The following CUX1 variants were observed in gnomAD, a reference collection of about 807,000 sequenced individuals.
The protein encoded by CUX1 is cut like homeobox 1.
A neutral mutation model predicts 158.8 loss-of-function variants in CUX1; 31 were observed. That is an observed-to-expected ratio of 0.20 (90% CI 0.15 to 0.26). The LOEUF (loss-of-function observed/expected upper bound fraction) is 0.26. Ranked by LOEUF, CUX1 falls within the 10% of genes least tolerant of loss-of-function variation. CUX1 has a pLI of 1.00. For missense variants in CUX1, 1,589 were observed against 2,014.6 expected, an observed-to-expected ratio of 0.79 and a Z score of 4.04; for synonymous variants, 879 against 862.1, an observed-to-expected ratio of 1.02 and a Z score of -0.34.
chr7:101,829,171 A>C (rs2131004602), intron 1 of CUX1, among the ~76,000 whole-genome samples: 2 of 152,152 alleles, frequency 1.3e-5, no homozygotes, highest in East Asian at 3.9e-4. Context: ...GAACTGGCAC[A>C]GCACCCCTTT....
chr7:102,170,453 A>G lies in CUX1; in HGVS notation c.731A>G (p.Glu244Gly). Residue 244 changes from glutamate (E) to glycine (G), a missense_variant, in exon 10 of 24, where the codon GAG becomes GGG. By Grantham distance (98) the Glu-to-Gly change is moderately conservative. Transcript: ENST00000292535. ...TDLERANQRA[E>G]VAQREAETLR... ...CCTTTTCATTTCCTTCAGAGGGCAG[A>G]GGTGGCTCAGAGAGAGGCGGAGACC... 6.3e-7 allele frequency: 1 copy of G among 1,584,834 alleles called. No homozygotes were observed. Among genetic ancestry groups the G allele is most frequent in the Non-Finnish European group, 8.6e-7 (1 of 1,164,768 alleles).
chr7:101,825,753 CTGTGTGTGTGTGTGTGTGTG>C (rs537662700), intron 1 of CUX1, among the ~76,000 whole-genome samples: 3 of 129,454 alleles, frequency 2.3e-5, no homozygotes, highest in Admixed American at 7.8e-5. Flanking sequence ...TTAATGAAAT[CTGTGTGTGTGTGTGTGTGTG>C]TGTGTGTGTG....
intron 2 of CUX1, among the ~76,000 whole-genome samples, chr7:101,917,806 C>T (rs935884979): frequency 2.0e-5 from 3 of 152,106 alleles, no homozygotes; most frequent in Non-Finnish European, 4.4e-5. Context: ...CTGCCCTTTC[C>T]TCGGTGACCA....
In CUX1 at chr7:102,282,574, A is replaced by C. The variant is rs1792161083; in HGVS notation, c.1903-138A>C. 9.2e-6 allele frequency: 7 copies of C among 762,012 alleles called. No homozygotes were observed. The East Asian group carries it at 1.6e-4, about 18-fold the overall frequency. 47.2% of individuals were successfully genotyped at this position (762,012 alleles called of 1,614,324 possible). On this transcript the variant is annotated intron_variant, in intron 21 of 22. Coordinates refer to the CUX1 transcript ENST00000292538. The stretch of plus-strand genomic sequence containing the variant: ...CATCTGCAGAAGCAGTGGGTGCAGG[A>C]ACATGTCTAAGACCCACCCGCCCCG...
chr7:102,171,782 T>A (rs561757742), intron 10 of CUX1, among the ~76,000 whole-genome samples: 1 of 152,284 alleles, frequency 6.6e-6, no homozygotes, highest in Non-Finnish European at 1.5e-5. Flanking sequence ...ATTTCATCAC[T>A]AGTTCACTTA....
chr7:102,013,830 G>A (rs554502565), intron 2 of CUX1, among the ~76,000 whole-genome samples: 252 of 151,754 alleles, frequency 1.7e-3, no homozygotes, highest in Admixed American at 3.2e-3. Flanking sequence ...TCAGCCTCCC[G>A]AGTAGCTGGG....
At chr7:102,223,158 C>A (rs1798006973) in intron 20 of CUX1, among the ~76,000 whole-genome samples, 1 of 151,842 alleles carries the variant, frequency 6.6e-6, no homozygotes, top group African/African-American at 2.4e-5. Context: ...CACAGTGGCT[C>A]ACACCTGTAA....
intron 2 of CUX1, among the ~76,000 whole-genome samples, chr7:102,005,246 G>A (rs1817194789): frequency 6.6e-6 from 1 of 152,220 alleles, no homozygotes; most frequent in South Asian, 2.1e-4. Flanking sequence ...TCTCCACTGG[G>A]CCGGGCGCGG....
chr7:101,988,382 G>A (rs760540529), intron 2 of CUX1, among the ~76,000 whole-genome samples: 8 of 152,090 alleles, frequency 5.3e-5, no homozygotes, highest in Non-Finnish European at 7.4e-5. Flanking sequence ...TAACTGTGGC[G>A]CCCACTCCAT....
chr7:102,072,706 C>T (rs1184959377), intron 4 of CUX1, among the ~76,000 whole-genome samples: 3 of 152,098 alleles, frequency 2.0e-5, no homozygotes, highest in African/African-American at 7.2e-5. Context: ...GGTGAATCAG[C>T]CTTTGGTTCC....
intron 8 of CUX1, among the ~76,000 whole-genome samples, chr7:102,149,181 C>G (rs1835344799): frequency 6.6e-6 from 1 of 152,112 alleles, no homozygotes; most frequent in Non-Finnish European, 1.5e-5. Context: ...TGTGGCCTCT[C>G]TCTCTAGACA....
At chr7:102,262,919 C>T (rs1001094624), downstream of CUX1, among the ~76,000 whole-genome samples, 18 of 151,590 alleles carry the variant, frequency 1.2e-4, no homozygotes, top group South Asian at 1.2e-3. Context: ...GAGGGACAGA[C>T]AGTAGACGTA....
At chr7:102,268,280 C>T (rs1193925559) in intron 14 of CUX1, among the ~76,000 whole-genome samples, 1 of 152,234 alleles carries the variant, frequency 6.6e-6, no homozygotes, top group Admixed American at 6.5e-5. Flanking sequence ...CTCGGGCACA[C>T]GTTACTGCTC....
At chr7:102,172,530 A>T (rs1791842708) in intron 10 of CUX1, among the ~76,000 whole-genome samples, 1 of 152,192 alleles carries the variant, frequency 6.6e-6, no homozygotes, top group Admixed American at 6.6e-5. Context: ...GATTACAAGC[A>T]TGAGTCATCA....
chr7:101,994,898 T>G (rs1222568657), intron 2 of CUX1, among the ~76,000 whole-genome samples: 2 of 128,926 alleles, frequency 1.6e-5, no homozygotes, highest in African/African-American at 6.1e-5. Flanking sequence ...AAGACCAGCC[T>G]GGGCAACATA....
chr7:102,003,035 G>A (rs1325945872), intron 2 of CUX1, among the ~76,000 whole-genome samples: 2 of 152,074 alleles, frequency 1.3e-5, no homozygotes, highest in Non-Finnish European at 1.5e-5. Flanking sequence ...CTGAGTAGCT[G>A]GGACTACAGG....
chr7:102,062,259 G>A (rs1282985090), intron 3 of CUX1, among the ~76,000 whole-genome samples: 1 of 152,192 alleles, frequency 6.6e-6, no homozygotes, highest in Non-Finnish European at 1.5e-5. Context: ...AGTGGGCAGC[G>A]ATGTGTGACG....
rs781894303 is a variant in CUX1 at position 102,104,508 on chromosome 7, GA to G, written c.530+51del. 5.0e-6 allele frequency: 8 copies of G among 1,595,166 alleles called. No homozygotes were observed. In the Admixed American group the frequency reaches 1.4e-4, roughly 28 times the overall value. ...ACAGACTGACATAGCATTTGCCCCT[GA>G]ACTTCACATCATCAGACATGTTGAT... is the stretch of plus-strand genomic sequence containing the variant. On this transcript the variant is annotated intron_variant, in intron 6 of 23. Transcript: ENST00000292535.
chr7:102,049,199 G>C (rs541831067), intron 3 of CUX1, among the ~76,000 whole-genome samples: 32 of 152,308 alleles, frequency 2.1e-4, no homozygotes, highest in African/African-American at 7.7e-4. Flanking sequence ...AGACTCACTC[G>C]GAGAAATTTC....
Sources: gnomAD v4.1 joint callset for allele counts (sites outside exome capture counted in the v4.1 genomes callset) on GRCh38, gnomAD v4.1.1 for gene constraint, MANE v1.5 for transcripts, NCBI Gene and HGNC (gene_info 2026-07-23, HGNC 2026-07-21) for gene names.